FAM174A: variants seen among roughly 807,000 people sequenced by gnomAD.
FAM174A encodes family with sequence similarity 174 member A, also known as membrane protein FAM174A.
Under a neutral mutation model 14.3 loss-of-function variants are expected in FAM174A, and 14 were observed. That is an observed-to-expected ratio of 0.98 (90% CI 0.65 to 1.53). FAM174A has a LOEUF of 1.53. Ranked by LOEUF, FAM174A falls within the 40% of genes most tolerant of loss-of-function variation. FAM174A has a pLI of 0.00. For synonymous variants in FAM174A, 108 were observed against 111.4 expected (o/e 0.97, Z 0.19); for missense variants, 241 against 249.6 (o/e 0.97, Z 0.23).
At chr5:100,556,275 G>C (rs1746378658) in intron 1 of FAM174A, among the ~76,000 whole-genome samples, 1 of 152,008 alleles carries the variant, frequency 6.6e-6, no homozygotes, top group East Asian at 1.9e-4. Context: ...TATTTCTGAG[G>C]GCTCTGTTCT....
chr5:100,544,437 G>A (rs917568013), intron 1 of FAM174A, among the ~76,000 whole-genome samples: 3 of 151,442 alleles, frequency 2.0e-5, no homozygotes, highest in African/African-American at 4.9e-5. Context: ...GAGAGAGATC[G>A]AGAGACAGAG....
chr5:100,571,672 G>GTA (rs529767869), intron 2 of FAM174A, among the ~76,000 whole-genome samples: 34,348 of 136,366 alleles, frequency 0.25, 4,574 homozygotes, highest in African/African-American at 0.35. Context: ...GTGTGTGTGT[G>GTA]TATATATATA....
At chr5:100,554,224 T>TA (rs1404753024) in intron 1 of FAM174A, among the ~76,000 whole-genome samples, 4 of 152,078 alleles carry the variant, frequency 2.6e-5, no homozygotes, top group Non-Finnish European at 5.9e-5. Flanking sequence ...AATCACTTTT[T>TA]AAAATCAAAC....
At chr5:100,552,970 A>G (rs1054233469) in intron 1 of FAM174A, among the ~76,000 whole-genome samples, 1 of 152,074 alleles carries the variant, frequency 6.6e-6, no homozygotes, top group East Asian at 1.9e-4. Context: ...TAAGGTCTCT[A>G]TTTTTATTTT....
intron 2 of FAM174A, among the ~76,000 whole-genome samples, chr5:100,574,986 A>G (rs1746871878): frequency 6.6e-6 from 1 of 152,150 alleles, no homozygotes; most frequent in Admixed American, 6.6e-5. Context: ...TTCTCATTTG[A>G]AAGATAAGAA....
intron 2 of FAM174A, among the ~76,000 whole-genome samples, chr5:100,566,893 T>G (rs1022336057): frequency 1.3e-5 from 2 of 151,848 alleles, no homozygotes; most frequent in African/African-American, 2.4e-5. Context: ...TTTTGAAGAT[T>G]ACCCTGACTG....
Position 100,535,815 on chromosome 5 carries a change from T to C in FAM174A, c.285T>C (p.Asp95=). 1 of 1,610,392 alleles carries C rather than the reference T, an allele frequency of 6.2e-7. No individual in the cohort carries two copies. The highest frequency in any genetic ancestry group is 2.2e-5 in the East Asian group (1 of 44,816). Residue 95 remains aspartate, a synonymous_variant, in exon 1 of 3, where the codon GAT becomes GAC. Transcript: ENST00000312637. The stretch of plus-strand genomic sequence containing the variant: ...CTGTGGCCGGGCTTGAGACGGACGA[T>C]CACGGAGGGAAGGCCGGGGAAGGCT... ...SNPVAGLETD[D]HGGKAGEGSV... is the part of the protein sequence containing the mutation.
rs966479775 is a variant in FAM174A at position 100,586,456 on chromosome 5, T to C, written c.*272T>C. 3 of 230,816 alleles carry C rather than the reference T, an allele frequency of 1.3e-5. No homozygotes were observed. Among genetic ancestry groups the C allele is most frequent in the East Asian group, 1.6e-4 (2 of 12,816 alleles). The allele number at this position is 230,816 out of a possible 1,614,324, so 14.3% of individuals were successfully genotyped here. On this transcript the variant is annotated 3_prime_UTR_variant, in exon 3 of 3. Coordinates refer to ENST00000312637, the MANE Select transcript of FAM174A (RefSeq NM_198507.3). ...TGAAAATTACTATAAAACGGTGTTT[T>C]CTGATCGGTTTTTGTTTCCTGCTTA... is the stretch of plus-strand genomic sequence containing the variant.
At chr5:100,577,193 T>C (rs1460937297) in intron 2 of FAM174A, among the ~76,000 whole-genome samples, 2 of 152,140 alleles carry the variant, frequency 1.3e-5, no homozygotes, top group African/African-American at 4.8e-5. Flanking sequence ...GTAAAACTAT[T>C]ATGTATCCAT....
intron 2 of FAM174A, among the ~76,000 whole-genome samples, chr5:100,569,996 G>A (rs2112393729): frequency 6.6e-6 from 1 of 151,886 alleles, no homozygotes. Flanking sequence ...GGATATTTCA[G>A]GGCATAAAGA....
intron 2 of FAM174A, among the ~76,000 whole-genome samples, chr5:100,576,379 T>C (rs17447494): frequency 0.033 from 4,988 of 152,220 alleles, 105 homozygotes; most frequent in Middle Eastern, 0.078. Context: ...TATTCTTAGG[T>C]TGATAAGAGG....
At chr5:100,585,794 T>C (rs1312368859) in intron 2 of FAM174A, among the ~76,000 whole-genome samples, 1 of 152,180 alleles carries the variant, frequency 6.6e-6, no homozygotes, top group Non-Finnish European at 1.5e-5. Context: ...TTAGAATATA[T>C]TTATTGAAAA....
At chr5:100,562,012 A>G (rs371121612) in intron 1 of FAM174A, 42 bp from the exon 2 acceptor site, 2 of 1,105,654 alleles carry the variant, frequency 1.8e-6, no homozygotes, top group African/African-American at 1.7e-5. Context: ...AAACTATGCC[A>G]TATTAAATAA....
chr5:100,576,139 A>G (rs1343244241), intron 2 of FAM174A, among the ~76,000 whole-genome samples: 3 of 152,128 alleles, frequency 2.0e-5, no homozygotes, highest in African/African-American at 7.2e-5. Context: ...ATTAACAATG[A>G]TTGTTATTGG....
At chr5:100,561,747 T>A (rs1390533052) in intron 1 of FAM174A, among the ~76,000 whole-genome samples, 1 of 151,838 alleles carries the variant, frequency 6.6e-6, no homozygotes, top group Non-Finnish European at 1.5e-5. Context: ...CCTAAGCCTT[T>A]AAAAATTAAG....
chr5:100,582,588 G>A (rs1747043786), intron 2 of FAM174A, among the ~76,000 whole-genome samples: 3 of 151,604 alleles, frequency 2.0e-5, no homozygotes, highest in Admixed American at 2.0e-4. Flanking sequence ...TGTATAATTA[G>A]AATTAAAATC....
At chr5:100,559,735 C>T (rs994646277) in intron 1 of FAM174A, among the ~76,000 whole-genome samples, 2 of 152,034 alleles carry the variant, frequency 1.3e-5, no homozygotes, top group Non-Finnish European at 2.9e-5. Context: ...TCCAGTTGTT[C>T]GCATTGGCTA....
chr5:100,538,885 A>G (rs1333666715), intron 1 of FAM174A, among the ~76,000 whole-genome samples: 1 of 152,088 alleles, frequency 6.6e-6, no homozygotes, highest in South Asian at 2.1e-4. Flanking sequence ...GGTGGGGGGA[A>G]ATCACTGTAG....
intron 2 of FAM174A, among the ~76,000 whole-genome samples, chr5:100,574,885 A>G (rs964204441): frequency 1.3e-5 from 2 of 152,216 alleles, no homozygotes; most frequent in Middle Eastern, 3.4e-3. Flanking sequence ...AATAAAACAC[A>G]CCCTTACTGC....
Sources: gnomAD v4.1 joint callset for allele counts (sites outside exome capture counted in the v4.1 genomes callset) on GRCh38, gnomAD v4.1.1 for gene constraint, MANE v1.5 for transcripts, NCBI Gene and HGNC (gene_info 2026-07-23, HGNC 2026-07-21) for gene names.